ART1: variants seen among roughly 807,000 people sequenced by gnomAD.
ART1 encodes the protein GPI-linked NAD(P)(+)--arginine ADP-ribosyltransferase 1.
A neutral mutation model predicts 27.0 loss-of-function variants in ART1; 29 were observed. That is an observed-to-expected ratio of 1.08 (90% CI 0.80 to 1.47). The LOEUF (loss-of-function observed/expected upper bound fraction) is 1.47. ART1 is among the 40% of genes most tolerant of loss of function. The probability of loss-of-function intolerance (pLI) is 0.00; values close to 1 mark genes in which losing one functional copy is unlikely to be tolerated. For synonymous variants in ART1, 201 were observed against 172.2 expected, an observed-to-expected ratio of 1.17 and a Z score of -1.31; for missense variants, 480 against 423.0, an observed-to-expected ratio of 1.13 and a Z score of -1.18.
intron 2 of ART1, 93 bp from the exon 3 acceptor site, chr11:3,659,472 GTGTGTTTGGGGCCCTTCC>G (rs2077599812): frequency 1.4e-6 from 2 of 1,388,636 alleles, no homozygotes; most frequent in Non-Finnish European, 1.9e-6. Context: ...TCCCCACCAG[GTGTGTTTGGGGCCCTTCC>G]TGCCTTTCTC....
chr11:3,659,223 C>G lies in ART1; in HGVS notation c.10C>G (p.Pro4Ala), dbSNP rs1285771487. ...GCCCAGGGTCACCAGCATGCAGATG[C>G]CTGCTATGATGTCTCTGCTTCTTGT... is the stretch of plus-strand genomic sequence containing the variant. The part of the protein sequence containing the change: MQM[P>A]AMMSLLLVSV... The change falls in exon 2 of 5, where the codon CCT becomes GCT. Residue 4 changes from proline (P) to alanine (A), a missense_variant. Coordinates refer to ENST00000250693, the MANE Select transcript of ART1 (RefSeq NM_004314.3). The G allele has an allele frequency of 6.2e-7, 1 of 1,614,146 alleles. No homozygotes were observed. The highest frequency in any genetic ancestry group is 1.1e-5 in the South Asian group (1 of 91,078).
At chr11:3,645,887 C>T (rs1298336100) in intron 1 of ART1, among the ~76,000 whole-genome samples, 3 of 151,932 alleles carry the variant, frequency 2.0e-5, no homozygotes, top group African/African-American at 4.8e-5. Context: ...AGGAGAGGGG[C>T]GATGTGTGCA....
chr11:3,656,074 A>G (rs754399131), intron 1 of ART1, among the ~76,000 whole-genome samples: 1 of 151,926 alleles, frequency 6.6e-6, no homozygotes, highest in African/African-American at 2.4e-5. Context: ...TTGGGATTAC[A>G]AGCGCACAAC....
intron 1 of ART1, among the ~76,000 whole-genome samples, chr11:3,651,638 A>G (rs1292264895): frequency 6.6e-6 from 1 of 151,782 alleles, no homozygotes; most frequent in Non-Finnish European, 1.5e-5. Flanking sequence ...AACTATGCTT[A>G]GCTCACTCTT....
At position 3,652,128 on chromosome 11, in the gene ART1, A is replaced by G. The variant is rs923222850; in HGVS notation, c.-53+6949A>G. The stretch of plus-strand genomic sequence containing the variant: ...CTCCCTTCCCTACACATCAAGCTCG[A>G]GGATTTGCCCCCACCCAGGACGGGC... On this transcript the variant is annotated intron_variant, in intron 1 of 4. Coordinates refer to ENST00000250693, the MANE Select transcript of ART1 (RefSeq NM_004314.3). Among the ~76,000 whole-genome samples the G allele has an allele frequency of 3.6e-4, 54 of 150,656 alleles. 2 individuals are homozygous for G. The highest frequency in any genetic ancestry group is 1.3e-3 in the African/African-American group (52 of 40,342).
chr11:3,656,473 C>G (rs942259721), intron 1 of ART1, among the ~76,000 whole-genome samples: 2 of 152,092 alleles, frequency 1.3e-5, no homozygotes, highest in African/African-American at 4.8e-5. Flanking sequence ...ACCTCCGCTT[C>G]CTGGGTTCAA....
Position 3,659,865 on chromosome 11 carries a change from G to T in ART1, c.346G>T (p.Val116Leu). ...PPLGFRDEHG[V>L]ALLAYTANSP... is the part of the protein sequence containing the mutation. ...CCTGGGCTTCCGCGATGAGCATGGG[G>T]TGGCCCTCCTGGCCTACACAGCCAA... The change falls in exon 3 of 5, where the codon GTG becomes TTG. Residue 116 changes from valine to leucine, a missense_variant. Physicochemically the swap from Val to Leu is conservative, Grantham distance 32. Coordinates refer to ENST00000250693, the MANE Select transcript of ART1 (RefSeq NM_004314.3). The T allele has an allele frequency of 1.2e-6, 2 of 1,612,718 alleles. No homozygotes were observed. Among genetic ancestry groups the T allele is most frequent in the South Asian group, 1.1e-5 (1 of 90,968 alleles).
chr11:3,662,221 T>A (rs1350584169), intron 4 of ART1, among the ~76,000 whole-genome samples: 1 of 152,224 alleles, frequency 6.6e-6, no homozygotes. Flanking sequence ...CCATTCTTTC[T>A]CTGTGCCTCA....
intron 2 of ART1, 91 bp from the exon 3 acceptor site, chr11:3,659,492 G>A: frequency 1.4e-6 from 2 of 1,462,120 alleles, no homozygotes; most frequent in Non-Finnish European, 1.8e-6. Flanking sequence ...GGCCCTTCCT[G>A]CCTTTCTCAG....
intron 1 of ART1, among the ~76,000 whole-genome samples, chr11:3,648,886 G>A (rs1205099872): frequency 1.3e-5 from 2 of 151,944 alleles, no homozygotes; most frequent in Non-Finnish European, 2.9e-5. Flanking sequence ...ACCCTTAGCG[G>A]CAAGTCCCGC....
rs532719304 is a variant in ART1, at chr11:3,649,023, C to T, written c.-53+3844C>T. On this transcript the variant is annotated intron_variant, in intron 1 of 4. Coordinates refer to ENST00000250693, the MANE Select transcript of ART1 (RefSeq NM_004314.3). Reference sequence around the variant, plus strand: ...TGCCCCATCCCTTATTTCCGTGCCCCGACCTCTTATCTCTGCGCCCAAACC... The same window carrying T: ...TGCCCCATCCCTTATTTCCGTGCCCTGACCTCTTATCTCTGCGCCCAAACC... Among the ~76,000 whole-genome samples, 29 of 151,734 alleles carry T rather than the reference C, an allele frequency of 1.9e-4. No individual in the cohort carries two copies. In the East Asian group the frequency reaches 2.7e-3, roughly 14 times the overall value.
At position 3,657,102 on chromosome 11, in the gene ART1, G is replaced by A. The variant is rs1471288993; in HGVS notation, c.-52-2060G>A. 2.6e-5 allele frequency among the ~76,000 whole-genome samples: 4 copies of A among 152,228 alleles called. No individual in the cohort carries two copies. The East Asian group carries it at 5.8e-4, about 22-fold the overall frequency. ...AAACTTAGGTCTCCCCAGAGCCAGA[G>A]GAGATGATAAAGCAGCGACGCTTAA... On this transcript the variant is annotated intron_variant, in intron 1 of 4. Coordinates refer to ENST00000250693, the MANE Select transcript of ART1 (RefSeq NM_004314.3).
At chr11:3,646,637 C>T (rs1038666690) in intron 1 of ART1, among the ~76,000 whole-genome samples, 1 of 152,208 alleles carries the variant, frequency 6.6e-6, no homozygotes, top group African/African-American at 2.4e-5. Flanking sequence ...ATCAATCAAG[C>T]AGCTCACCCT....
intron 1 of ART1, among the ~76,000 whole-genome samples, chr11:3,653,534 G>T (rs939913483): frequency 6.6e-6 from 1 of 151,520 alleles, no homozygotes; most frequent in Admixed American, 6.6e-5. Context: ...ATCTCCCTTC[G>T]CTGACTCTCT....
chr11:3,649,041 C>T (rs1040352158), intron 1 of ART1, among the ~76,000 whole-genome samples: 4 of 151,716 alleles, frequency 2.6e-5, no homozygotes, highest in African/African-American at 9.7e-5. Flanking sequence ...TATCTCTGCG[C>T]CCAAACCCCT....
intron 1 of ART1, among the ~76,000 whole-genome samples, chr11:3,645,876 A>G (rs1348663291): frequency 6.6e-6 from 1 of 152,068 alleles, no homozygotes; most frequent in Non-Finnish European, 1.5e-5. Context: ...AGGGTGTCCC[A>G]AGGAGAGGGG....
chr11:3,650,914 C>T (rs57132248), intron 1 of ART1, among the ~76,000 whole-genome samples: 89,083 of 132,174 alleles, frequency 0.67, 29,712 homozygotes, highest in Middle Eastern at 0.84. Flanking sequence ...ACTCTTACCC[C>T]GCTCAATGCC....
At position 3,659,235 on chromosome 11, in the gene ART1, T is replaced by C. The variant is rs1211030170; in HGVS notation, c.22T>C (p.Ser8Pro). MQMPAMM[S>P]LLLVSVGLME... ...CAGCATGCAGATGCCTGCTATGATG[T>C]CTCTGCTTCTTGTGTCTGTGGGCCT... is the stretch of plus-strand genomic sequence containing the variant. The change falls in exon 2 of 5, where the codon TCT (serine) becomes CCT (proline). Residue 8 changes from serine (S) to proline (P), a missense_variant. Ser to Pro is a moderately conservative substitution (Grantham distance 74). Transcript: ENST00000250693. The C allele has an allele frequency of 1.9e-6, 3 of 1,614,106 alleles. No individual in the cohort carries two copies. Among genetic ancestry groups the C allele is most frequent in the Non-Finnish European group, 2.5e-6 (3 of 1,180,052 alleles).
chr11:3,663,139 C>CTCATCTCATCTCA (rs2077636200), intron 4 of ART1, among the ~76,000 whole-genome samples: 2 of 149,212 alleles, frequency 1.3e-5, no homozygotes, highest in Admixed American at 6.7e-5. Flanking sequence ...CTCATCTCAT[C>CTCATCTCATCTCA]TCATCATCAT....
Sources: allele counts gnomAD v4.1 joint callset (sites outside exome capture counted in the v4.1 genomes callset), GRCh38; gene constraint gnomAD v4.1.1; transcripts MANE v1.5; gene names NCBI Gene and HGNC (gene_info 2026-07-23, HGNC 2026-07-21).